Variants in BMAL1 observed in about 807,000 individuals in gnomAD.
BMAL1 encodes basic helix-loop-helix ARNT-like protein 1.
the BMAL1 span, among the ~76,000 whole-genome samples, chr11:13,338,474 C>T: frequency 1.3e-5 from 2 of 152,166 alleles, no homozygotes; most frequent in African/African-American, 4.8e-5. Flanking sequence ...TTAGTTAACC[C>T]ATTGAACAGA....
the BMAL1 span, chr11:13,380,127 A>ATAG: frequency 6.6e-6 from 1 of 152,220 alleles, no homozygotes; most frequent in African/African-American, 2.4e-5. Context: ...ACCTGGGAAA[A>ATAG]TAGTGGTTTC....
chr11:13,358,294 C>T, the BMAL1 span: 2 of 1,013,160 alleles, frequency 2.0e-6, no homozygotes, highest in Non-Finnish European at 2.7e-6. Flanking sequence ...GTTGAAAAGT[C>T]TAATTTTAAA....
chr11:13,279,657 G>T, the BMAL1 span, among the ~76,000 whole-genome samples: 1 of 152,218 alleles, frequency 6.6e-6, no homozygotes, highest in Admixed American at 6.5e-5. Context: ...ACAAAATTCA[G>T]TCTTTCAGTC....
chr11:13,299,661 T>C, the BMAL1 span, among the ~76,000 whole-genome samples: 1,082 of 151,866 alleles, frequency 7.1e-3, 7 homozygotes, highest in Middle Eastern at 0.014. Flanking sequence ...TTTCCAGAGG[T>C]GGAGTTGTCT....
the BMAL1 span, chr11:13,379,436 C>T: frequency 6.6e-6 from 1 of 152,144 alleles, no homozygotes; most frequent in Non-Finnish European, 1.5e-5. Context: ...CTTTTCCAAC[C>T]CCACAGGATT....
chr11:13,335,410 G>T, the BMAL1 span, among the ~76,000 whole-genome samples: 3 of 152,182 alleles, frequency 2.0e-5, no homozygotes, highest in Non-Finnish European at 2.9e-5. Flanking sequence ...AATGCTACTG[G>T]TTCTGAATGG....
At chr11:13,294,704 A>C in the BMAL1 span, among the ~76,000 whole-genome samples, 1 of 152,194 alleles carries the variant, frequency 6.6e-6, no homozygotes, top group Non-Finnish European at 1.5e-5. Context: ...ACAGCTACTT[A>C]AGGAAATGAG....
the BMAL1 span, chr11:13,369,595 A>G: frequency 6.2e-7 from 1 of 1,613,234 alleles, no homozygotes; most frequent in Non-Finnish European, 8.5e-7. Flanking sequence ...TCAGTTTATC[A>G]CATTTTGTGT....
chr11:13,346,216 C>G, the BMAL1 span, among the ~76,000 whole-genome samples: 1 of 152,238 alleles, frequency 6.6e-6, no homozygotes, highest in South Asian at 2.1e-4. Context: ...CACTTCTGCC[C>G]TCATTCACTG....
At chr11:13,317,895 G>A in the BMAL1 span, among the ~76,000 whole-genome samples, 1 of 152,202 alleles carries the variant, frequency 6.6e-6, no homozygotes, top group Admixed American at 6.5e-5. Context: ...GCTGCATCTG[G>A]CTTGCAGATG....
At chr11:13,324,178 T>A in the BMAL1 span, among the ~76,000 whole-genome samples, 3 of 152,250 alleles carry the variant, frequency 2.0e-5, no homozygotes, top group African/African-American at 7.2e-5. Flanking sequence ...TCAGCAGGTC[T>A]CTTGTCAGTT....
the BMAL1 span, among the ~76,000 whole-genome samples, chr11:13,306,338 G>A: frequency 1.3e-5 from 2 of 152,302 alleles, no homozygotes; most frequent in African/African-American, 2.4e-5. Context: ...GGTCCTGGCC[G>A]TGACAGTAGA....
chr11:13,354,062 G>A, the BMAL1 span, among the ~76,000 whole-genome samples: 3 of 152,050 alleles, frequency 2.0e-5, no homozygotes, highest in Non-Finnish European at 4.4e-5. Flanking sequence ...AAAAATGAGC[G>A]GGTGGGCTTA....
At chr11:13,344,682 CAG>C in the BMAL1 span, among the ~76,000 whole-genome samples, 1 of 152,172 alleles carries the variant, frequency 6.6e-6, no homozygotes, top group Non-Finnish European at 1.5e-5. Flanking sequence ...CACAGGCTGT[CAG>C]AGTAACCATG....
chr11:13,349,149 C>T, the BMAL1 span, among the ~76,000 whole-genome samples: 3 of 152,184 alleles, frequency 2.0e-5, no homozygotes, highest in African/African-American at 7.2e-5. Flanking sequence ...TACCATGAAC[C>T]CTGTTTCAGA....
At chr11:13,339,114 G>A in the BMAL1 span, among the ~76,000 whole-genome samples, 2 of 152,224 alleles carry the variant, frequency 1.3e-5, no homozygotes, top group East Asian at 3.9e-4. Flanking sequence ...CTTGGCTGGG[G>A]GCCTTTGTGC....
the BMAL1 span, among the ~76,000 whole-genome samples, chr11:13,375,955 C>T: frequency 6.6e-6 from 1 of 152,198 alleles, no homozygotes; most frequent in African/African-American, 2.4e-5. Flanking sequence ...AGGACTTGTA[C>T]CATGCAGGCC....
At chr11:13,278,450 C>T in the BMAL1 span, among the ~76,000 whole-genome samples, 2 of 152,222 alleles carry the variant, frequency 1.3e-5, no homozygotes, top group African/African-American at 4.8e-5. Flanking sequence ...CCGCGTCTGC[C>T]CTTCCTCCCC....
chr11:13,280,839 G>A, the BMAL1 span, among the ~76,000 whole-genome samples: 25 of 151,946 alleles, frequency 1.6e-4, no homozygotes, highest in African/African-American at 9.7e-5. Context: ...TATCCCCATC[G>A]TCCCCTCATC....
Sources: gnomAD v4.1 joint callset for allele counts (sites outside exome capture counted in the v4.1 genomes callset) on GRCh38, gnomAD v4.1.1 for gene constraint, MANE v1.5 for transcripts, NCBI Gene and HGNC (gene_info 2026-07-23, HGNC 2026-07-21) for gene names.